ATE1: variants seen among roughly 807,000 people sequenced by gnomAD.
The protein encoded by ATE1 is arginyltransferase 1.
ATE1 carries 36 observed loss-of-function variants against 70.5 expected under a neutral mutation model. That is an observed-to-expected ratio of 0.51 (90% CI 0.39 to 0.67). The LOEUF (loss-of-function observed/expected upper bound fraction) is 0.67. Ranked by LOEUF, ATE1 falls within the 30% of genes least tolerant of loss-of-function variation. The pLI, the probability that ATE1 is intolerant of heterozygous loss-of-function variation, is 0.00. For synonymous variants in ATE1, 232 were observed against 219.3 expected, an observed-to-expected ratio of 1.06 and a Z score of -0.51; for missense variants, 593 against 629.5, an observed-to-expected ratio of 0.94 and a Z score of 0.62.
chr10:121,886,745 A>G (rs1024720791), intron 7 of ATE1, among the ~76,000 whole-genome samples: 1 of 152,196 alleles, frequency 6.6e-6, no homozygotes, highest in Non-Finnish European at 1.5e-5. Context: ...GTTTATATCA[A>G]TTAGCCTAGG....
chr10:121,773,768 C>T (rs1303345822), intron 11 of ATE1, among the ~76,000 whole-genome samples: 1 of 152,068 alleles, frequency 6.6e-6, no homozygotes, highest in Non-Finnish European at 1.5e-5. Flanking sequence ...CCAATTATTC[C>T]TTGAGTGTAT....
intron 7 of ATE1, among the ~76,000 whole-genome samples, chr10:121,895,897 A>G (rs1950762755): frequency 6.6e-6 from 1 of 151,772 alleles, no homozygotes; most frequent in Admixed American, 6.6e-5. Context: ...TGCCTGGGCG[A>G]CAGAGCAAGA....
chr10:121,883,206 G>A (rs7082243), intron 7 of ATE1, among the ~76,000 whole-genome samples: 68,016 of 151,652 alleles, frequency 0.45, 15,983 homozygotes, highest in South Asian at 0.53. Flanking sequence ...CTAACCTTCT[G>A]TATAATTTAC....
intron 11 of ATE1, among the ~76,000 whole-genome samples, chr10:121,765,074 C>T (rs956049205): frequency 6.6e-6 from 1 of 152,094 alleles, no homozygotes; most frequent in Non-Finnish European, 1.5e-5. Context: ...CTGCTTTTAC[C>T]ATTTGCCACT....
rs1230252571 is a variant in ATE1, at chr10:121,902,708, C to CA, written c.584-89dup. 3.1e-6 allele frequency: 4 copies of CA among 1,282,208 alleles called. No individual in the cohort carries two copies. The African/African-American group carries it at 4.5e-5, about 14-fold the overall frequency. 79.4% of individuals were successfully genotyped at this position (1,282,208 alleles called of 1,614,324 possible). Reference sequence around the variant, plus strand: ...TCTCAAAGATTCTACAGTGTAAGTCCAAAGAGTTTCAATGGTTAGGCTAGC... The same window carrying CA: ...TCTCAAAGATTCTACAGTGTAAGTCCAAAAGAGTTTCAATGGTTAGGCTAGC... On this transcript the variant is annotated intron_variant, in intron 5 of 11. Coordinates refer to ENST00000224652, the MANE Select transcript of ATE1 (RefSeq NM_001001976.3).
chr10:121,831,359 T>C (rs1304596028), intron 10 of ATE1, among the ~76,000 whole-genome samples: 3 of 152,234 alleles, frequency 2.0e-5, no homozygotes, highest in Non-Finnish European at 4.4e-5. Context: ...TTAATATTTA[T>C]ATTTACACTG....
intron 6 of ATE1, among the ~76,000 whole-genome samples, chr10:121,900,273 T>A (rs1374765086): frequency 6.6e-6 from 1 of 152,100 alleles, no homozygotes; most frequent in Non-Finnish European, 1.5e-5. Context: ...ACTGGCAGAG[T>A]ATTTCCAGCA....
chr10:121,777,143 A>G (rs1052568728), intron 11 of ATE1, among the ~76,000 whole-genome samples: 4 of 152,262 alleles, frequency 2.6e-5, no homozygotes, highest in Non-Finnish European at 5.9e-5. Context: ...TGAGGCTGAG[A>G]AGTTGTGTTC....
intron 11 of ATE1, among the ~76,000 whole-genome samples, chr10:121,784,466 A>C (rs1946125730): frequency 6.6e-6 from 1 of 152,224 alleles, no homozygotes; most frequent in Admixed American, 6.5e-5. Flanking sequence ...GATCACGCAA[A>C]CTAGGGAAGT....
At chr10:121,835,430 G>A (rs989463945) in intron 10 of ATE1, among the ~76,000 whole-genome samples, 1 of 140,910 alleles carries the variant, frequency 7.1e-6, no homozygotes. Flanking sequence ...ATCCCCAAAT[G>A]TAATTAATCA....
chr10:121,890,435 A>C (rs2134193367), intron 7 of ATE1, among the ~76,000 whole-genome samples: 1 of 152,286 alleles, frequency 6.6e-6, no homozygotes, highest in South Asian at 2.1e-4. Context: ...CTCATACACA[A>C]AAAAAAGATA....
intron 3 of ATE1, 38 bp downstream of exon 3, chr10:121,922,311 A>G: frequency 7.3e-7 from 1 of 1,371,610 alleles, no homozygotes; most frequent in Non-Finnish European, 1.0e-6. Context: ...CACAATCTTC[A>G]TACTATAAAT....
chr10:121,849,864 G>GA (rs894963073), intron 8 of ATE1, among the ~76,000 whole-genome samples: 142 of 142,110 alleles, frequency 1.0e-3, no homozygotes, highest in East Asian at 7.5e-3. Context: ...AGAAATTCAG[G>GA]AAAAAAAAAA....
chr10:121,913,903 C>T lies in ATE1; in HGVS notation c.234-10G>A. On this transcript the variant is annotated splice_polypyrimidine_tract_variant and intron_variant, in intron 3 of 11. Coordinates refer to ENST00000224652, the MANE Select transcript of ATE1 (RefSeq NM_001001976.3). ...TTGTAAAGGTCGGCACCTAGGAAAG[C>T]AAAATAAATATTTAAAAAGTGAACT... The T allele has an allele frequency of 1.3e-6, 2 of 1,593,110 alleles. No individual in the cohort carries two copies. Among genetic ancestry groups the T allele is most frequent in the Non-Finnish European group, 1.7e-6 (2 of 1,166,252 alleles).
intron 1 of ATE1, 123 bp downstream of exon 1, chr10:121,927,721 C>T (rs1451432055): frequency 7.4e-6 from 10 of 1,354,410 alleles, no homozygotes; most frequent in Non-Finnish European, 9.5e-6. Context: ...GAGAGTGCCC[C>T]CTCCGTCTCG....
intron 11 of ATE1, among the ~76,000 whole-genome samples, chr10:121,767,413 C>T (rs751621243): frequency 1.3e-5 from 2 of 152,022 alleles, no homozygotes; most frequent in Non-Finnish European, 2.9e-5. Context: ...AAGAAAAAAA[C>T]TAAAAGGCAG....
At position 121,884,999 on chromosome 10, in the gene ATE1, G is replaced by A. The variant is rs145255315; in HGVS notation, c.942+14867C>T. 7.9e-5 allele frequency among the ~76,000 whole-genome samples: 12 copies of A among 152,232 alleles called. No homozygotes were observed. In the East Asian group the frequency reaches 2.1e-3, roughly 27 times the overall value. On this transcript the variant is annotated intron_variant, in intron 7 of 11. Transcript: ENST00000224652. Reference sequence around the variant, plus strand: ...CTTTAGGCCAGGCACAGTGGCTCATGCCTGTAATCCCAGCACTTTGGGAGG... The same window carrying A: ...CTTTAGGCCAGGCACAGTGGCTCATACCTGTAATCCCAGCACTTTGGGAGG...
intron 11 of ATE1, among the ~76,000 whole-genome samples, chr10:121,768,192 G>A (rs555298872): frequency 6.7e-4 from 102 of 152,258 alleles, no homozygotes; most frequent in Admixed American, 3.8e-3. Context: ...AGCTGGAGAT[G>A]GGAATAATGG....
chr10:121,881,765 C>T (rs1950233015), intron 7 of ATE1, among the ~76,000 whole-genome samples: 1 of 150,266 alleles, frequency 6.7e-6, no homozygotes, highest in Non-Finnish European at 1.5e-5. Flanking sequence ...GATGAATCAA[C>T]ATATTAAAAA....
Sources: allele counts gnomAD v4.1 joint callset (sites outside exome capture counted in the v4.1 genomes callset), GRCh38; gene constraint gnomAD v4.1.1; transcripts MANE v1.5; gene names NCBI Gene and HGNC (gene_info 2026-07-23, HGNC 2026-07-21).